The following NUDT3 variants were observed in gnomAD, a reference collection of about 807,000 sequenced individuals.
The protein encoded by NUDT3 is nudix hydrolase 3, also known as diphosphoinositol polyphosphate phosphohydrolase 1.
Under a neutral mutation model 23.6 loss-of-function variants are expected in NUDT3, and 9 were observed. The ratio of observed to expected loss-of-function variants is 0.38; its 90% CI spans 0.23 to 0.66. NUDT3 has a LOEUF of 0.66. NUDT3 is among the 30% of genes least tolerant of loss of function. NUDT3 has a pLI of 0.52. For synonymous variants in NUDT3, 86 were observed against 82.6 expected (o/e 1.04, Z -0.22); for missense variants, 172 against 218.5 (o/e 0.79, Z 1.34).
chr6:34,315,951 G>A (rs1045738555), intron 2 of NUDT3, among the ~76,000 whole-genome samples: 4 of 152,106 alleles, frequency 2.6e-5, no homozygotes, highest in East Asian at 1.9e-4. Flanking sequence ...AGGAGCTCTC[G>A]TCATCCTGGT....
chr6:34,297,577 G>A (rs1364174053), intron 2 of NUDT3, among the ~76,000 whole-genome samples: 7 of 143,576 alleles, frequency 4.9e-5, no homozygotes, highest in Admixed American at 1.4e-4. Flanking sequence ...AACTCTTGTC[G>A]CCCAGGCTGG....
intron 2 of NUDT3, among the ~76,000 whole-genome samples, chr6:34,329,209 GA>G (rs1561908827): frequency 6.6e-6 from 1 of 152,040 alleles, no homozygotes; most frequent in Non-Finnish European, 1.5e-5. Flanking sequence ...TATATATATA[GA>G]GAGATATACA....
At chr6:34,313,469 A>C (rs997431628) in intron 2 of NUDT3, among the ~76,000 whole-genome samples, 14 of 152,130 alleles carry the variant, frequency 9.2e-5, no homozygotes, top group African/African-American at 2.2e-4. Context: ...AGAAAGTACA[A>C]CACCAAGAGG....
chr6:34,303,881 T>C (rs1430775219), intron 2 of NUDT3, among the ~76,000 whole-genome samples: 3 of 152,154 alleles, frequency 2.0e-5, no homozygotes, highest in Non-Finnish European at 4.4e-5. Context: ...CACATCACAA[T>C]AGGAGAGCTG....
chr6:34,378,819 G>GCA (rs1764967555), intron 1 of NUDT3, among the ~76,000 whole-genome samples: 1 of 152,166 alleles, frequency 6.6e-6, no homozygotes, highest in African/African-American at 2.4e-5. Flanking sequence ...AAAAAGAATG[G>GCA]TACTCTTCTA....
intron 1 of NUDT3, among the ~76,000 whole-genome samples, chr6:34,379,523 G>A (rs540278930): frequency 5.9e-4 from 89 of 151,620 alleles, no homozygotes; most frequent in African/African-American, 1.9e-3. Flanking sequence ...TCACACCACT[G>A]CACTCAAGCC....
intron 1 of NUDT3, among the ~76,000 whole-genome samples, chr6:34,382,257 G>A (rs1267105137): frequency 6.6e-6 from 1 of 151,592 alleles, no homozygotes; most frequent in Non-Finnish European, 1.5e-5. Context: ...ATATATATTA[G>A]GAGGGTGTGG....
In NUDT3 at chr6:34,373,738, G is replaced by T. The variant is rs184494938; in HGVS notation, c.99+18526C>A. ...TTCGTGATCAGCTTCAGCTAACAGT[G>T]ACAACAGCAATAGATGCTGCTGAAG... On this transcript the variant is annotated intron_variant, in intron 1 of 4. Coordinates refer to ENST00000607016, the MANE Select transcript of NUDT3 (RefSeq NM_006703.4). 3.6e-3 allele frequency among the ~76,000 whole-genome samples: 555 copies of T among 152,324 alleles called. 2 individuals carry two copies. Among genetic ancestry groups the T allele is most frequent in the South Asian group, 8.3e-3 (40 of 4,832 alleles).
intron 1 of NUDT3, among the ~76,000 whole-genome samples, chr6:34,347,106 T>C (rs1440114501): frequency 6.6e-6 from 1 of 152,178 alleles, no homozygotes; most frequent in African/African-American, 2.4e-5. Context: ...TTTTACTCCT[T>C]CCTATCATAT....
chr6:34,347,482 C>T (rs371623121), intron 1 of NUDT3, among the ~76,000 whole-genome samples: 40 of 152,314 alleles, frequency 2.6e-4, no homozygotes, highest in Middle Eastern at 6.8e-3. Flanking sequence ...ATATAGGTGG[C>T]TCTGCAGAGC....
chr6:34,289,315 C>T (rs1763382318), intron 4 of NUDT3, among the ~76,000 whole-genome samples: 1 of 152,198 alleles, frequency 6.6e-6, no homozygotes, highest in African/African-American at 2.4e-5. Flanking sequence ...GCCTACAATC[C>T]CAGCACTTTA....
At chr6:34,349,953 G>C (rs1238463090) in intron 1 of NUDT3, among the ~76,000 whole-genome samples, 2 of 150,224 alleles carry the variant, frequency 1.3e-5, no homozygotes, top group African/African-American at 2.5e-5. Flanking sequence ...AGCCAGGCGT[G>C]GTAGCGGGTG....
In NUDT3 at chr6:34,288,404, G is replaced by T; in HGVS notation, c.*349C>A. 2 of 193,986 alleles carry T rather than the reference G, an allele frequency of 1.0e-5. No individual in the cohort carries two copies. Among genetic ancestry groups the T allele is most frequent in the Non-Finnish European group, 2.1e-5 (2 of 96,088 alleles). The allele number at this position is 193,986 out of a possible 1,614,324, so 12.0% of individuals were successfully genotyped here. On this transcript the variant is annotated 3_prime_UTR_variant, in exon 5 of 5. Coordinates refer to ENST00000607016, the MANE Select transcript of NUDT3 (RefSeq NM_006703.4). Reference sequence around the variant, plus strand: ...AAAAAAATTAAAAATCAAAGAAAACGTCTGGCCAGGGCCAGGATAAGACAA... The same window carrying T: ...AAAAAAATTAAAAATCAAAGAAAACTTCTGGCCAGGGCCAGGATAAGACAA...
chr6:34,389,268 A>G (rs1456914403), intron 1 of NUDT3, among the ~76,000 whole-genome samples: 2 of 152,116 alleles, frequency 1.3e-5, no homozygotes, highest in Non-Finnish European at 2.9e-5. Context: ...ACGAAATCCA[A>G]TGGTTTTACA....
intron 4 of NUDT3, among the ~76,000 whole-genome samples, chr6:34,292,075 C>G (rs1763430842): frequency 1.3e-5 from 2 of 152,158 alleles, no homozygotes; most frequent in South Asian, 4.1e-4. Context: ...AAATTAGTAT[C>G]ACAAGTGTAT....
intron 4 of NUDT3, among the ~76,000 whole-genome samples, chr6:34,289,156 T>C (rs1166728143): frequency 1.3e-5 from 2 of 152,216 alleles, no homozygotes; most frequent in Non-Finnish European, 1.5e-5. Context: ...GTGTAAAACC[T>C]GCCCTCCAGA....
At chr6:34,391,633 T>C (rs1178995686) in intron 1 of NUDT3, among the ~76,000 whole-genome samples, 2 of 152,202 alleles carry the variant, frequency 1.3e-5, no homozygotes, top group Admixed American at 1.3e-4. Context: ...ACACAAAGAT[T>C]ATTATATCAA....
chr6:34,291,523 TG>T (rs1763422480), intron 4 of NUDT3, among the ~76,000 whole-genome samples: 3 of 151,916 alleles, frequency 2.0e-5, no homozygotes, highest in Non-Finnish European at 2.9e-5. Context: ...TTTTTTTTTT[TG>T]AAACAGTCTT....
At chr6:34,306,421 A>T (rs902944449) in intron 2 of NUDT3, among the ~76,000 whole-genome samples, 1 of 152,238 alleles carries the variant, frequency 6.6e-6, no homozygotes, top group Non-Finnish European at 1.5e-5. Context: ...ACGATTGTGG[A>T]ATCTCCAGAG....
Sources: gnomAD v4.1 joint callset for allele counts (sites outside exome capture counted in the v4.1 genomes callset) on GRCh38, gnomAD v4.1.1 for gene constraint, MANE v1.5 for transcripts, NCBI Gene and HGNC (gene_info 2026-07-23, HGNC 2026-07-21) for gene names.